The following FBXO15 variants were observed in gnomAD, a reference collection of about 807,000 sequenced individuals.
FBXO15 encodes F-box only protein 15.
A neutral mutation model predicts 49.5 loss-of-function variants in FBXO15; 30 were observed. That is an observed-to-expected ratio of 0.61 (90% CI 0.45 to 0.82). The LOEUF is 0.82. FBXO15 is among the 40% of genes least tolerant of loss of function. The pLI is 0.00. For synonymous variants in FBXO15, 250 were observed against 232.7 expected, an observed-to-expected ratio of 1.07 and a Z score of -0.68; for missense variants, 591 against 631.5, an observed-to-expected ratio of 0.94 and a Z score of 0.69.
rs1042009690 is a variant in FBXO15, at chr18:74,107,591, TA to T, written c.1138+15776del. The stretch of plus-strand genomic sequence containing the variant: ...GCCAAAACCTCCATAGCAACCAGTA[TA>T]AAAAAAAGGGAAACCTGAGCTGTAA... On this transcript the variant is annotated intron_variant, in intron 8 of 9. Transcript: ENST00000419743. 2.6e-5 allele frequency among the ~76,000 whole-genome samples: 4 copies of T among 151,298 alleles called. No homozygotes were observed. In the East Asian group the frequency reaches 7.7e-4, roughly 29 times the overall value.
chr18:74,140,124 A>C, intron 2 of FBXO15, 78 bp downstream of exon 2: 2 of 1,207,858 alleles, frequency 1.7e-6, no homozygotes, highest in Non-Finnish European at 2.3e-6. Flanking sequence ...GCAACTTGGT[A>C]TATACAGCAT....
intron 2 of FBXO15, among the ~76,000 whole-genome samples, chr18:74,138,526 A>T (rs1364074659): frequency 1.3e-5 from 2 of 151,812 alleles, no homozygotes; most frequent in East Asian, 3.9e-4. Flanking sequence ...CAGGTCCTCC[A>T]AGCTTGCTCC....
At chr18:74,129,704 T>C (rs1568177730) in intron 4 of FBXO15, 90 bp from the exon 5 acceptor site, 1 of 1,086,956 alleles carries the variant, frequency 9.2e-7, no homozygotes, top group Non-Finnish European at 1.3e-6. Flanking sequence ...CTAAAGCATC[T>C]AGTTCCTTAA....
chr18:74,079,947 G>A (rs1047829192), intron 9 of FBXO15, among the ~76,000 whole-genome samples: 5 of 152,158 alleles, frequency 3.3e-5, no homozygotes, highest in Non-Finnish European at 5.9e-5. Context: ...CACCAGCATC[G>A]TATTTGGGTG....
At chr18:74,129,742 G>T in intron 4 of FBXO15, 128 bp from the exon 5 acceptor site, 3 of 734,360 alleles carry the variant, frequency 4.1e-6, no homozygotes, top group Non-Finnish European at 6.6e-6. Flanking sequence ...CTCAGAATGT[G>T]CCCAGTATAA....
At chr18:74,134,491 C>T (rs1978592745) in intron 3 of FBXO15, among the ~76,000 whole-genome samples, 1 of 151,446 alleles carries the variant, frequency 6.6e-6, no homozygotes, top group Non-Finnish European at 1.5e-5. Flanking sequence ...GCCTCAGCCT[C>T]CCAAGTAGCT....
Position 74,073,643 on chromosome 18 carries a change from C to T in FBXO15, c.1351G>A (p.Ala451Thr). The T allele has an allele frequency of 1.9e-6, 3 of 1,614,176 alleles. No homozygotes were observed. Among genetic ancestry groups the T allele is most frequent in the Non-Finnish European group, 2.5e-6 (3 of 1,180,030 alleles). Reference protein sequence around the residue: ...FSSPVCLRSPATPSDSSSFLG... With the variant: ...FSSPVCLRSPTTPSDSSSFLG... The stretch of plus-strand genomic sequence containing the variant: ...AAGCTAGAGCTGTCAGAGGGTGTGG[C>T]AGGCGATCTCAGGCACACCGGGGAA... Residue 451 changes from alanine to threonine, a missense_variant, in exon 10 of 10, where the codon GCC (alanine) becomes ACC (threonine). Physicochemically the swap from Ala to Thr is moderately conservative, Grantham distance 58 (BLOSUM62 0). Coordinates refer to ENST00000419743, the MANE Select transcript of FBXO15 (RefSeq NM_001142958.2).
At chr18:74,086,846 T>C (rs1254353559) in intron 8 of FBXO15, among the ~76,000 whole-genome samples, 1 of 152,160 alleles carries the variant, frequency 6.6e-6, no homozygotes, top group Non-Finnish European at 1.5e-5. Context: ...TAAGTATTAA[T>C]AAATGGAGAA....
At chr18:74,118,820 C>T (rs1914353430) in intron 8 of FBXO15, among the ~76,000 whole-genome samples, 1 of 152,088 alleles carries the variant, frequency 6.6e-6, no homozygotes, top group Non-Finnish European at 1.5e-5. Context: ...AGTAACCTAC[C>T]CTAGGTACAA....
intron 9 of FBXO15, chr18:74,076,476 C>A: frequency 6.6e-6 from 1 of 152,522 alleles, no homozygotes; most frequent in Non-Finnish European, 1.5e-5. Flanking sequence ...GAAGAGGGCC[C>A]TCACCAGACA....
intron 8 of FBXO15, among the ~76,000 whole-genome samples, chr18:74,112,829 C>T (rs1485850686): frequency 1.3e-5 from 2 of 152,222 alleles, no homozygotes; most frequent in Non-Finnish European, 2.9e-5. Flanking sequence ...GACTGTGGAG[C>T]AACAGTAACT....
intron 8 of FBXO15, among the ~76,000 whole-genome samples, chr18:74,117,279 C>A (rs1943941): frequency 6.6e-6 from 1 of 151,962 alleles, no homozygotes; most frequent in Non-Finnish European, 1.5e-5. Context: ...CACAAAAGGC[C>A]AATTATTCCT....
chr18:74,087,471 ATAAG>A (rs1912796538), intron 8 of FBXO15, among the ~76,000 whole-genome samples: 1 of 152,182 alleles, frequency 6.6e-6, no homozygotes, highest in Non-Finnish European at 1.5e-5. Flanking sequence ...GCTTTCACTT[ATAAG>A]TAAGAACATA....
At chr18:74,118,424 A>ATATGTGTATATACACATATATG (rs1914331239) in intron 8 of FBXO15, among the ~76,000 whole-genome samples, 1 of 150,430 alleles carries the variant, frequency 6.6e-6, no homozygotes, top group African/African-American at 2.5e-5. Flanking sequence ...ATATATATAT[A>ATATGTGTATATACACATATATG]TATGTGTATA....
At chr18:74,083,387 T>C (rs1240030308) in intron 8 of FBXO15, among the ~76,000 whole-genome samples, 1 of 152,188 alleles carries the variant, frequency 6.6e-6, no homozygotes, top group African/African-American at 2.4e-5. Context: ...AAGCGAGGCC[T>C]CAGTGGAGGC....
chr18:74,076,932 T>C (rs1179236491), intron 9 of FBXO15, among the ~76,000 whole-genome samples: 1 of 152,110 alleles, frequency 6.6e-6, no homozygotes, highest in Non-Finnish European at 1.5e-5. Context: ...CTTCCCATCT[T>C]CTCTTTGTCC....
chr18:74,096,197 C>T (rs1193998421), intron 8 of FBXO15, among the ~76,000 whole-genome samples: 2 of 152,110 alleles, frequency 1.3e-5, no homozygotes, highest in African/African-American at 4.8e-5. Context: ...TCCTTGAGGA[C>T]AGACAAAGTC....
Position 74,145,655 on chromosome 18 carries a change from T to C in FBXO15, c.116+2015A>G, listed in dbSNP as rs552433659. Among the ~76,000 whole-genome samples, 7 of 144,634 alleles carry C rather than the reference T, an allele frequency of 4.8e-5. No homozygotes were observed. In the East Asian group the frequency reaches 1.5e-3, roughly 30 times the overall value. 94.9% of individuals were successfully genotyped at this position (144,634 alleles called of 152,430 possible). Reference sequence around the variant, plus strand: ...CTCTGTCGCCCAGGCTGGAGTGCAGTGGCGCTATCTCGGCTCACTGCAAGC... The same window carrying C: ...CTCTGTCGCCCAGGCTGGAGTGCAGCGGCGCTATCTCGGCTCACTGCAAGC... On this transcript the variant is annotated intron_variant, in intron 1 of 9. Coordinates refer to ENST00000419743, the MANE Select transcript of FBXO15 (RefSeq NM_001142958.2).
chr18:74,087,001 G>A (rs958679672), intron 8 of FBXO15, among the ~76,000 whole-genome samples: 4 of 152,074 alleles, frequency 2.6e-5, no homozygotes, highest in African/African-American at 9.7e-5. Flanking sequence ...TAAATTTTCT[G>A]GTTTCCCAAT....
Sources: gnomAD v4.1 joint callset for allele counts (sites outside exome capture counted in the v4.1 genomes callset) on GRCh38, gnomAD v4.1.1 for gene constraint, MANE v1.5 for transcripts, NCBI Gene and HGNC (gene_info 2026-07-23, HGNC 2026-07-21) for gene names.